PLCB4: variants seen among roughly 807,000 people sequenced by gnomAD.
PLCB4 encodes the protein phospholipase C beta 4.
In PLCB4, 77 loss-of-function variants were observed where a neutral mutation model predicts 178.8. The observed-to-expected ratio is 0.43, with a 90% CI of 0.36 to 0.52. The LOEUF (loss-of-function observed/expected upper bound fraction) is 0.52. Among genes scored for constraint, PLCB4 ranks in the 20% least tolerant of loss-of-function variants. PLCB4 has a pLI of 0.00. For missense variants in PLCB4, 1,024 were observed against 1,453.4 expected (o/e 0.70, Z 4.80); for synonymous variants, 496 against 490.8 (o/e 1.01, Z -0.14).
chr20:9,227,192 T>G (rs1429026578), intron 3 of PLCB4, among the ~76,000 whole-genome samples: 1 of 151,998 alleles, frequency 6.6e-6, no homozygotes, highest in African/African-American at 2.4e-5. Context: ...TTTTTTTATA[T>G]GTACTGGGCA....
chr20:9,158,573 T>C (rs1174580254), intron 2 of PLCB4, among the ~76,000 whole-genome samples: 1 of 149,986 alleles, frequency 6.7e-6, no homozygotes, highest in Admixed American at 6.7e-5. Context: ...CTGGCCACTC[T>C]CACGTTTTTT....
At chr20:9,470,045 T>G (rs2044077133) in intron 36 of PLCB4, among the ~76,000 whole-genome samples, 1 of 152,200 alleles carries the variant, frequency 6.6e-6, no homozygotes. Flanking sequence ...AGCTGTTTTA[T>G]GAGCCAGGTG....
At chr20:9,465,729 G>T (rs188493812) in intron 35 of PLCB4, among the ~76,000 whole-genome samples, 119 of 152,286 alleles carry the variant, frequency 7.8e-4, no homozygotes, top group Admixed American at 1.7e-3. Flanking sequence ...ACTTACAAGA[G>T]ATGTGAGGGA....
At chr20:9,325,212 G>A (rs1194178891) in intron 4 of PLCB4, among the ~76,000 whole-genome samples, 1 of 152,082 alleles carries the variant, frequency 6.6e-6, no homozygotes, top group Non-Finnish European at 1.5e-5. Flanking sequence ...TTTTTTATAA[G>A]GGGACAGCCA....
intron 2 of PLCB4, among the ~76,000 whole-genome samples, chr20:9,164,398 C>T (rs1464260208): frequency 6.6e-6 from 1 of 151,964 alleles, no homozygotes; most frequent in Non-Finnish European, 1.5e-5. Context: ...AACTGGGGCT[C>T]AGGGAAATTA....
chr20:9,352,672 T>A (rs1159079045), intron 7 of PLCB4, among the ~76,000 whole-genome samples: 1 of 152,232 alleles, frequency 6.6e-6, no homozygotes, highest in Non-Finnish European at 1.5e-5. Context: ...ATAAATATTA[T>A]CCTCACCCAT....
chr20:9,237,227 C>T (rs955821537), intron 3 of PLCB4, among the ~76,000 whole-genome samples: 1 of 152,178 alleles, frequency 6.6e-6, no homozygotes, highest in African/African-American at 2.4e-5. Flanking sequence ...CACCACTTCT[C>T]AGATCAGGAT....
At chr20:9,094,172 A>G (rs1361029556) in intron 1 of PLCB4, among the ~76,000 whole-genome samples, 3 of 152,304 alleles carry the variant, frequency 2.0e-5, no homozygotes, top group African/African-American at 7.2e-5. Flanking sequence ...AACTACCTAC[A>G]ATTTCTGACA....
intron 2 of PLCB4, among the ~76,000 whole-genome samples, chr20:9,180,636 G>T (rs1007377012): frequency 1.3e-5 from 2 of 152,158 alleles, no homozygotes; most frequent in African/African-American, 4.8e-5. Context: ...TTGCTAAGCT[G>T]CTAGAGTGCA....
At chr20:9,197,183 C>G (rs1364548433) in intron 2 of PLCB4, among the ~76,000 whole-genome samples, 1 of 152,158 alleles carries the variant, frequency 6.6e-6, no homozygotes, top group Admixed American at 6.5e-5. Context: ...GTGGGCCTCT[C>G]CAGTTGTCTT....
intron 3 of PLCB4, among the ~76,000 whole-genome samples, chr20:9,300,304 G>A (rs2094688457): frequency 6.6e-6 from 1 of 152,062 alleles, no homozygotes; most frequent in Non-Finnish European, 1.5e-5. Context: ...AATGGGATTT[G>A]TATGGTTGGA....
rs978181321 is a variant in PLCB4 at position 9,292,806 on chromosome 20, C to T, written c.-15-14994C>T. 2.8e-4 allele frequency among the ~76,000 whole-genome samples: 42 copies of T among 152,154 alleles called. 1 individual carries two copies. Among genetic ancestry groups the T allele is most frequent in the African/African-American group, 9.7e-4 (40 of 41,448 alleles). On this transcript the variant is annotated intron_variant, in intron 3 of 39. Coordinates refer to ENST00000378473, the MANE Select transcript of PLCB4 (RefSeq NM_001377142.1). ...CTAAAGTGTGCATTTGGGCTGGGCA[C>T]AGTGGCTCACACCTGTAATCTCAGC...
chr20:9,467,080 C>T (rs1369814089), intron 35 of PLCB4, among the ~76,000 whole-genome samples: 1 of 152,162 alleles, frequency 6.6e-6, no homozygotes, highest in Non-Finnish European at 1.5e-5. Flanking sequence ...ACATATACAA[C>T]ATGGAATACT....
At chr20:9,089,773 TA>T (rs1361117812) in intron 1 of PLCB4, among the ~76,000 whole-genome samples, 1 of 152,158 alleles carries the variant, frequency 6.6e-6, no homozygotes, top group African/African-American at 2.4e-5. Flanking sequence ...GAGAAAGAAA[TA>T]AAGTTAGCTG....
chr20:9,271,530 C>T (rs1223018774), intron 3 of PLCB4, among the ~76,000 whole-genome samples: 1 of 152,152 alleles, frequency 6.6e-6, no homozygotes, highest in African/African-American at 2.4e-5. Context: ...ATTTAGAAGA[C>T]ATTGACGTTG....
intron 3 of PLCB4, among the ~76,000 whole-genome samples, chr20:9,229,597 C>G (rs767327418): frequency 6.6e-6 from 1 of 151,884 alleles, no homozygotes; most frequent in Non-Finnish European, 1.5e-5. Flanking sequence ...TTTATGTTTT[C>G]TCAAGATGTG....
At chr20:9,316,639 G>T (rs2094902181) in intron 4 of PLCB4, among the ~76,000 whole-genome samples, 1 of 152,032 alleles carries the variant, frequency 6.6e-6, no homozygotes, top group Non-Finnish European at 1.5e-5. Flanking sequence ...TTCTCCTTAG[G>T]ATTCTACGAG....
At chr20:9,240,807 G>A (rs1459705921) in intron 3 of PLCB4, among the ~76,000 whole-genome samples, 1 of 152,110 alleles carries the variant, frequency 6.6e-6, no homozygotes, top group African/African-American at 2.4e-5. Flanking sequence ...GGGAGGATGA[G>A]AGGGAAAGGA....
At chr20:9,298,975 T>G (rs940027029) in intron 3 of PLCB4, among the ~76,000 whole-genome samples, 3 of 152,024 alleles carry the variant, frequency 2.0e-5, no homozygotes, top group African/African-American at 4.8e-5. Context: ...AAAGTCTAAT[T>G]CCAGTACCAT....
Sources: allele counts gnomAD v4.1 joint callset (sites outside exome capture counted in the v4.1 genomes callset), GRCh38; gene constraint gnomAD v4.1.1; transcripts MANE v1.5; gene names NCBI Gene and HGNC (gene_info 2026-07-23, HGNC 2026-07-21).